UGGT2: variants seen among roughly 807,000 people sequenced by gnomAD.
The protein encoded by UGGT2 is UDP-glucose:glycoprotein glucosyltransferase 2.
In UGGT2, 180 loss-of-function variants were observed where a neutral mutation model predicts 192.1. The observed-to-expected ratio is 0.94, with a 90% CI of 0.83 to 1.06. The LOEUF is 1.06. UGGT2 is among the 50% of genes least tolerant of loss of function. The pLI, the probability that UGGT2 is intolerant of heterozygous loss-of-function variation, is 0.00. For synonymous variants in UGGT2, 580 were observed against 591.0 expected (o/e 0.98, Z 0.27); for missense variants, 1,849 against 1,795.7 (o/e 1.03, Z -0.54).
intron 5 of UGGT2, among the ~76,000 whole-genome samples, chr13:96,006,585 C>T (rs887247761): frequency 3.1e-5 from 4 of 131,094 alleles, no homozygotes; most frequent in African/African-American, 1.2e-4. Context: ...GATTGCACCA[C>T]TGCACTCAAG....
In UGGT2 at chr13:95,999,191, T is replaced by C. The variant is rs372789261; in HGVS notation, c.757+20A>G. On this transcript the variant is annotated intron_variant, in intron 6 of 38. Coordinates refer to ENST00000376747, the MANE Select transcript of UGGT2 (RefSeq NM_020121.4). Reference sequence around the variant, plus strand: ...CCTCCAACTTTTCATTCTACTCAAGTACTGAGATAGAGAACTTACTTTTAA... The same window carrying C: ...CCTCCAACTTTTCATTCTACTCAAGCACTGAGATAGAGAACTTACTTTTAA... The C allele has an allele frequency of 2.1e-4, 331 of 1,599,734 alleles. No homozygotes were observed. The highest frequency in any genetic ancestry group is 2.7e-4 in the Non-Finnish European group (316 of 1,167,724).
chr13:95,823,708 C>A (rs1833998675), intron 38 of UGGT2, among the ~76,000 whole-genome samples: 1 of 151,986 alleles, frequency 6.6e-6, no homozygotes, highest in African/African-American at 2.4e-5. Context: ...TTTTTAAATT[C>A]ATTCTGCCAT....
At chr13:95,957,061 G>T (rs2140668786) in intron 12 of UGGT2, among the ~76,000 whole-genome samples, 1 of 152,274 alleles carries the variant, frequency 6.6e-6, no homozygotes, top group South Asian at 2.1e-4. Context: ...TATGCTAAGT[G>T]AAATTAGCCA....
intron 1 of UGGT2, among the ~76,000 whole-genome samples, chr13:96,047,923 TCAA>T (rs551734962): frequency 1.3e-5 from 2 of 151,898 alleles, no homozygotes; most frequent in Non-Finnish European, 2.9e-5. Context: ...ATTAGACAGA[TCAA>T]CGAGACAGAA....
intron 38 of UGGT2, among the ~76,000 whole-genome samples, chr13:95,830,370 C>T (rs1362823562): frequency 6.6e-6 from 1 of 152,126 alleles, no homozygotes; most frequent in Non-Finnish European, 1.5e-5. Context: ...AAAATTTTTG[C>T]AATCTACCCA....
At chr13:95,879,752 A>G (rs2047439842) in intron 27 of UGGT2, among the ~76,000 whole-genome samples, 1 of 152,210 alleles carries the variant, frequency 6.6e-6, no homozygotes, top group Admixed American at 6.5e-5. Flanking sequence ...GCTCATTTTT[A>G]GCAAAAATAT....
At chr13:95,815,647 G>C (rs1165382701) in intron 38 of UGGT2, among the ~76,000 whole-genome samples, 1 of 152,120 alleles carries the variant, frequency 6.6e-6, no homozygotes, top group African/African-American at 2.4e-5. Context: ...TTTAAAACAA[G>C]AGTTGCAATC....
Position 95,999,292 on chromosome 13 carries a change from T to A in UGGT2, c.676A>T (p.Lys226Ter). 6.2e-7 allele frequency: 1 copy of A among 1,613,594 alleles called. No homozygotes were observed. Among genetic ancestry groups the A allele is most frequent in the Non-Finnish European group, 8.5e-7 (1 of 1,179,686 alleles). The part of the protein sequence containing the change: ...RHYIQKPSSR[K>*]MYLSGYGVEL... ...ACACCATACCCAGATAAGTACATTT[T>A]CCGTGAGCTTGGTTTCTGTTCAAAC... Residue 226 changes from lysine to a stop codon, truncating the protein, a stop_gained, in exon 6 of 39, where the codon AAA becomes TAA. Transcript: ENST00000376747. LOFTEE classifies it high-confidence loss of function.
intron 33 of UGGT2, 139 bp from the exon 34 acceptor site, chr13:95,856,479 A>G (rs764122010): frequency 2.8e-6 from 2 of 712,592 alleles, no homozygotes; most frequent in African/African-American, 1.8e-5. Flanking sequence ...TACTACTTCT[A>G]TAACATACTT....
At chr13:95,905,941 C>G (rs918565572) in intron 20 of UGGT2, among the ~76,000 whole-genome samples, 1 of 152,114 alleles carries the variant, frequency 6.6e-6, no homozygotes, top group Admixed American at 6.6e-5. Context: ...TTCCATAAAG[C>G]CAACTTTGTT....
At chr13:95,834,788 C>T (rs1887108178) in intron 37 of UGGT2, among the ~76,000 whole-genome samples, 1 of 152,080 alleles carries the variant, frequency 6.6e-6, no homozygotes, top group Admixed American at 6.6e-5. Flanking sequence ...CTAGATATGG[C>T]CACGTGACCA....
At chr13:96,020,507 AT>A (rs1327693734) in intron 4 of UGGT2, among the ~76,000 whole-genome samples, 10 of 152,190 alleles carry the variant, frequency 6.6e-5, no homozygotes, top group Non-Finnish European at 1.0e-4. Context: ...CATTCACAGT[AT>A]AAGCATGTAA....
intron 38 of UGGT2, among the ~76,000 whole-genome samples, chr13:95,826,363 A>C (rs151268481): frequency 4.4e-4 from 67 of 152,258 alleles, no homozygotes; most frequent in African/African-American, 1.5e-3. Flanking sequence ...AAAGCAAGTA[A>C]AATAAACAAA....
intron 27 of UGGT2, among the ~76,000 whole-genome samples, chr13:95,881,088 G>A (rs2047480169): frequency 6.6e-6 from 1 of 152,152 alleles, no homozygotes. Context: ...ACAGGAGAAT[G>A]GCATGAACCC....
intron 36 of UGGT2, among the ~76,000 whole-genome samples, chr13:95,837,615 C>T (rs1233066922): frequency 6.6e-6 from 1 of 152,188 alleles, no homozygotes; most frequent in African/African-American, 2.4e-5. Context: ...AAACAATGAT[C>T]CATGAATATT....
chr13:95,983,892 A>G (rs765405293), intron 9 of UGGT2, 28 bp from the exon 10 acceptor site: 2 of 1,448,684 alleles, frequency 1.4e-6, no homozygotes, highest in South Asian at 2.6e-5. Flanking sequence ...AATATAATTG[A>G]TCCTTCCTTA....
At chr13:96,040,774 C>A (rs769347367) in intron 1 of UGGT2, among the ~76,000 whole-genome samples, 1 of 152,098 alleles carries the variant, frequency 6.6e-6, no homozygotes, top group Non-Finnish European at 1.5e-5. Flanking sequence ...AATCAGACTG[C>A]GGCTAGACTG....
At chr13:95,809,994 G>GC (rs1439341295) in intron 38 of UGGT2, among the ~76,000 whole-genome samples, 1 of 152,250 alleles carries the variant, frequency 6.6e-6, no homozygotes. Context: ...AAGTTTTGGT[G>GC]CTGCTGACAC....
In UGGT2 at chr13:95,888,226, T is replaced by C. The variant is rs567664232; in HGVS notation, c.2959-255A>G. On this transcript the variant is annotated intron_variant, in intron 25 of 38. Coordinates refer to ENST00000376747, the MANE Select transcript of UGGT2 (RefSeq NM_020121.4). ...GTCCCAGGGTTATGCTGCTTGCCCT[T>C]TGCCTAAAGTGACTTTTTTTCATAG... is the stretch of plus-strand genomic sequence containing the variant. 1.1e-4 allele frequency among the ~76,000 whole-genome samples: 16 copies of C among 152,258 alleles called. No homozygotes were observed. In the South Asian group the frequency reaches 1.5e-3, roughly 14 times the overall value.
Sources: allele counts gnomAD v4.1 joint callset (sites outside exome capture counted in the v4.1 genomes callset), GRCh38; gene constraint gnomAD v4.1.1; transcripts MANE v1.5; gene names NCBI Gene and HGNC (gene_info 2026-07-23, HGNC 2026-07-21).